Variants in ST6GALNAC3 observed in about 807,000 individuals in gnomAD.
The protein encoded by ST6GALNAC3 is ST6 N-acetylgalactosaminide alpha-2,6-sialyltransferase 3.
Under a neutral mutation model 32.7 loss-of-function variants are expected in ST6GALNAC3, and 25 were observed. The ratio of observed to expected loss-of-function variants is 0.76; its 90% CI spans 0.56 to 1.07. The LOEUF is 1.07. Among genes scored for constraint, ST6GALNAC3 ranks in the 50% least tolerant of loss-of-function variants. The pLI, the probability that ST6GALNAC3 is intolerant of heterozygous loss-of-function variation, is 0.00. For synonymous variants in ST6GALNAC3, 129 were observed against 133.1 expected (o/e 0.97, Z 0.21); for missense variants, 355 against 382.4 (o/e 0.93, Z 0.60).
intron 1 of ST6GALNAC3, among the ~76,000 whole-genome samples, chr1:76,195,152 T>C (rs1654124588): frequency 6.6e-6 from 1 of 152,236 alleles, no homozygotes. Flanking sequence ...AACAAGGTTT[T>C]TATCATTGGC....
At chr1:76,388,865 T>C (rs1571059849) in intron 2 of ST6GALNAC3, among the ~76,000 whole-genome samples, 1 of 152,198 alleles carries the variant, frequency 6.6e-6, no homozygotes, top group East Asian at 1.9e-4. Flanking sequence ...CAACTAGTCA[T>C]GGATGTGCAT....
intron 1 of ST6GALNAC3, among the ~76,000 whole-genome samples, chr1:76,198,785 C>T (rs1453184969): frequency 2.0e-5 from 3 of 152,120 alleles, no homozygotes; most frequent in African/African-American, 7.2e-5. Context: ...TTGTGACAGC[C>T]AAGTGGAGAT....
At chr1:76,282,716 C>G (rs903967670) in intron 1 of ST6GALNAC3, among the ~76,000 whole-genome samples, 1 of 152,084 alleles carries the variant, frequency 6.6e-6, no homozygotes, top group African/African-American at 2.4e-5. Flanking sequence ...GGAGAACCCA[C>G]TGTATAAAAC....
chr1:76,125,647 T>C (rs1472331142), intron 1 of ST6GALNAC3, among the ~76,000 whole-genome samples: 2 of 152,242 alleles, frequency 1.3e-5, no homozygotes, highest in Non-Finnish European at 2.9e-5. Flanking sequence ...GCAGTCTCTC[T>C]GTACAAGACA....
intron 1 of ST6GALNAC3, among the ~76,000 whole-genome samples, chr1:76,310,415 A>C (rs1202961160): frequency 6.6e-6 from 1 of 152,136 alleles, no homozygotes; most frequent in Non-Finnish European, 1.5e-5. Flanking sequence ...TAGTGGTGAG[A>C]TAAGGGGTGT....
intron 2 of ST6GALNAC3, among the ~76,000 whole-genome samples, chr1:76,359,426 C>T (rs929854952): frequency 7.9e-5 from 12 of 151,972 alleles, no homozygotes; most frequent in Admixed American, 3.3e-4. Context: ...AAATATCATG[C>T]GGAAAGATAG....
intron 3 of ST6GALNAC3, among the ~76,000 whole-genome samples, chr1:76,514,179 G>A (rs1662035324): frequency 6.6e-6 from 1 of 152,140 alleles, no homozygotes; most frequent in East Asian, 1.9e-4. Flanking sequence ...GCTCTGGCAA[G>A]CACATTCAGT....
intron 1 of ST6GALNAC3, among the ~76,000 whole-genome samples, chr1:76,208,492 C>T (rs1654958312): frequency 6.6e-6 from 1 of 152,204 alleles, no homozygotes; most frequent in Admixed American, 6.5e-5. Context: ...GTGCCTCTGT[C>T]TTCTGGAGTT....
At chr1:76,557,555 C>T (rs1436083) in intron 3 of ST6GALNAC3, among the ~76,000 whole-genome samples, 36,604 of 151,924 alleles carry the variant, frequency 0.24, 4,788 homozygotes, top group African/African-American at 0.35. Flanking sequence ...ATTTATATGT[C>T]TTATTGTTTA....
chr1:76,414,728 G>T (rs1239567192), intron 3 of ST6GALNAC3, among the ~76,000 whole-genome samples: 2 of 151,912 alleles, frequency 1.3e-5, no homozygotes, highest in African/African-American at 2.4e-5. Flanking sequence ...CAAAGACTAT[G>T]TTGAAACAAA....
At chr1:76,442,941 C>T (rs1024513088) in intron 3 of ST6GALNAC3, among the ~76,000 whole-genome samples, 3 of 152,342 alleles carry the variant, frequency 2.0e-5, no homozygotes, top group Non-Finnish European at 1.5e-5. Flanking sequence ...TGGTCTCCTA[C>T]TGTGTTTAAA....
chr1:76,143,414 T>TGTGTG (rs1223096372), intron 1 of ST6GALNAC3, among the ~76,000 whole-genome samples: 1 of 151,714 alleles, frequency 6.6e-6, no homozygotes, highest in Non-Finnish European at 1.5e-5. Context: ...TGTGTGTGTG[T>TGTGTG]GTGTGTGTGT....
At chr1:76,108,667 T>C (rs924746291) in intron 1 of ST6GALNAC3, among the ~76,000 whole-genome samples, 3 of 152,242 alleles carry the variant, frequency 2.0e-5, no homozygotes, top group African/African-American at 7.2e-5. Flanking sequence ...AGTTGTCTTC[T>C]GAGCCTGGGT....
At chr1:76,625,498 A>G (rs1012538758) in intron 3 of ST6GALNAC3, among the ~76,000 whole-genome samples, 1 of 151,974 alleles carries the variant, frequency 6.6e-6, no homozygotes, top group Non-Finnish European at 1.5e-5. Context: ...AAAAGAATAT[A>G]CAATTCCATA....
chr1:76,149,105 G>A (rs1650879338), intron 1 of ST6GALNAC3, among the ~76,000 whole-genome samples: 1 of 152,086 alleles, frequency 6.6e-6, no homozygotes, highest in South Asian at 2.1e-4. Context: ...CCTGGTAATC[G>A]GTCTCTCTAT....
At chr1:76,225,553 A>G (rs933841084) in intron 1 of ST6GALNAC3, among the ~76,000 whole-genome samples, 1 of 152,138 alleles carries the variant, frequency 6.6e-6, no homozygotes, top group African/African-American at 2.4e-5. Context: ...AGGCCACCAA[A>G]GGGAACGTTT....
chr1:76,247,151 GCTT>G (rs1657308269), intron 1 of ST6GALNAC3, among the ~76,000 whole-genome samples: 1 of 152,150 alleles, frequency 6.6e-6, no homozygotes, highest in South Asian at 2.1e-4. Context: ...AGCAAAGATT[GCTT>G]CTTACTCCTT....
intron 3 of ST6GALNAC3, among the ~76,000 whole-genome samples, chr1:76,582,023 C>G (rs901252605): frequency 1.3e-5 from 2 of 152,060 alleles, no homozygotes; most frequent in Non-Finnish European, 2.9e-5. Flanking sequence ...AATCTTTTTA[C>G]GCCGCTTGTC....
intron 3 of ST6GALNAC3, among the ~76,000 whole-genome samples, chr1:76,525,137 T>C (rs1409153755): frequency 6.6e-6 from 1 of 151,914 alleles, no homozygotes; most frequent in Non-Finnish European, 1.5e-5. Context: ...TTCTGGAAAA[T>C]GAGGTCTATT....
Sources: gnomAD v4.1 joint callset for allele counts (sites outside exome capture counted in the v4.1 genomes callset) on GRCh38, gnomAD v4.1.1 for gene constraint, MANE v1.5 for transcripts, NCBI Gene and HGNC (gene_info 2026-07-23, HGNC 2026-07-21) for gene names.